FOXO3: variants seen among roughly 807,000 people sequenced by gnomAD.
FOXO3 encodes the protein forkhead box protein O3.
Under a neutral mutation model 41.9 loss-of-function variants are expected in FOXO3, and 4 were observed. The observed-to-expected ratio is 0.10, with a 90% CI of 0.05 to 0.22. FOXO3 has a LOEUF of 0.22. Among genes scored for constraint, FOXO3 ranks in the 10% least tolerant of loss-of-function variants. FOXO3 has a pLI of 1.00. For missense variants in FOXO3, 534 were observed against 906.8 expected (o/e 0.59, Z 5.28); for synonymous variants, 318 against 389.3 (o/e 0.82, Z 2.16).
upstream of FOXO3, among the ~76,000 whole-genome samples, chr6:108,560,349 A>G (rs964475725): frequency 6.6e-6 from 1 of 152,168 alleles, no homozygotes; most frequent in Admixed American, 6.5e-5. Context: ...GCGAGAATGC[A>G]AACCACACAA....
chr6:108,566,207 T>TA (rs926378547), intron 1 of FOXO3, among the ~76,000 whole-genome samples: 3 of 152,350 alleles, frequency 2.0e-5, no homozygotes, highest in Non-Finnish European at 4.4e-5. Flanking sequence ...AGAGACTCTT[T>TA]AAAAAAGAAG....
intron 1 of FOXO3, among the ~76,000 whole-genome samples, chr6:108,575,144 A>G (rs1776228815): frequency 6.6e-6 from 1 of 152,242 alleles, no homozygotes; most frequent in African/African-American, 2.4e-5. Flanking sequence ...TTTTTACTAC[A>G]TTAAAAAGAT....
Position 108,561,542 on chromosome 6 carries a change from C to T in FOXO3, c.334C>T (p.Pro112Ser). ...CGGAGGGCAAGACCCCGGGTCTGGGCCAGCCACCGCGGCGGGCGGGCTGAG... is the reference window on the plus strand; with the variant it reads ...CGGAGGGCAAGACCCCGGGTCTGGGTCAGCCACCGCGGCGGGCGGGCTGAG... ...APGGQDPGSG[P>S]ATAAGGLSGG... The change falls in exon 1 of 3, where the codon CCA (proline) becomes TCA (serine). Residue 112 changes from proline to serine, a missense_variant. Transcript: ENST00000406360. 1 of 1,437,124 alleles carries T rather than the reference C, an allele frequency of 7.0e-7. No homozygotes were observed. The highest frequency in any genetic ancestry group is 9.1e-7 in the Non-Finnish European group (1 of 1,103,584). The allele number at this position is 1,437,124 out of a possible 1,614,324, so 89.0% of individuals were successfully genotyped here.
intron 1 of FOXO3, among the ~76,000 whole-genome samples, chr6:108,590,294 CT>C (rs1167973216): frequency 6.6e-6 from 1 of 151,932 alleles, no homozygotes; most frequent in Non-Finnish European, 1.5e-5. Context: ...CAGCACCCAC[CT>C]TTTTTTGAGA....
chr6:108,665,163 CT>C (rs1158005018), intron 2 of FOXO3, among the ~76,000 whole-genome samples: 1 of 152,126 alleles, frequency 6.6e-6, no homozygotes, highest in African/African-American at 2.4e-5. Context: ...AGATCGCATT[CT>C]TTTTTTGCAT....
chr6:108,658,554 G>T (rs1179086463), intron 1 of FOXO3, among the ~76,000 whole-genome samples: 1 of 152,056 alleles, frequency 6.6e-6, no homozygotes, highest in Non-Finnish European at 1.5e-5. Context: ...GTGGTTTTTT[G>T]TGTGTTTTTT....
At chr6:108,626,545 T>G (rs932319887) in intron 1 of FOXO3, among the ~76,000 whole-genome samples, 2 of 152,134 alleles carry the variant, frequency 1.3e-5, no homozygotes, top group Non-Finnish European at 2.9e-5. Context: ...AAAATCGGCT[T>G]ATAAGTTAGA....
intron 1 of FOXO3, among the ~76,000 whole-genome samples, chr6:108,562,419 C>T (rs1329171222): frequency 3.3e-5 from 5 of 152,220 alleles, no homozygotes; most frequent in African/African-American, 4.8e-5. Context: ...GGACGGCTTC[C>T]TTTCCTTGCC....
At chr6:108,601,064 G>A (rs1432957910) in intron 1 of FOXO3, among the ~76,000 whole-genome samples, 1 of 151,718 alleles carries the variant, frequency 6.6e-6, no homozygotes, top group African/African-American at 2.4e-5. Flanking sequence ...CTGGAGTGCA[G>A]TGGCGCAATC....
At chr6:108,579,790 C>A (rs1315018694) in intron 1 of FOXO3, among the ~76,000 whole-genome samples, 2 of 152,066 alleles carry the variant, frequency 1.3e-5, no homozygotes, top group African/African-American at 2.4e-5. Flanking sequence ...GTCCAGAAGG[C>A]TTGTCTCTCA....
At chr6:108,603,611 T>G (rs1027806245) in intron 1 of FOXO3, among the ~76,000 whole-genome samples, 3 of 152,166 alleles carry the variant, frequency 2.0e-5, no homozygotes, top group Non-Finnish European at 4.4e-5. Flanking sequence ...GAAGAACAAG[T>G]TGAGGATCTC....
chr6:108,598,399 A>G (rs1407325643), intron 1 of FOXO3, among the ~76,000 whole-genome samples: 1 of 152,148 alleles, frequency 6.6e-6, no homozygotes, highest in Admixed American at 6.5e-5. Context: ...TGGGGATGAC[A>G]GGGGATTACC....
chr6:108,671,170 C>T (rs970150779), intron 2 of FOXO3, among the ~76,000 whole-genome samples: 1 of 152,204 alleles, frequency 6.6e-6, no homozygotes, highest in Non-Finnish European at 1.5e-5. Context: ...ATCACATGGT[C>T]TATTCCACAA....
rs201682890 is a variant in FOXO3, at chr6:108,653,379, A to AT, written c.622-10072dup. ...TTTAAAGAGCCAGACTGCACCCTGC[A>AT]TTTTATCTTTGCTATTAGTGTGCTA... On this transcript the variant is annotated intron_variant, in intron 1 of 2. Coordinates refer to ENST00000406360, the MANE Select transcript of FOXO3 (RefSeq NM_001455.4). Among the ~76,000 whole-genome samples the AT allele has an allele frequency of 6.9e-3, 1,046 of 152,218 alleles. 26 individuals carry two copies. Among genetic ancestry groups the AT allele is most frequent in the Admixed American group, 0.048 (728 of 15,290 alleles).
In FOXO3 at chr6:108,561,596, C is replaced by G. The variant is rs1184772752; in HGVS notation, c.388C>G (p.Gln130Glu). Residue 130 changes from glutamine (Q) to glutamate (E), a missense_variant, in exon 1 of 3, where the codon CAG (glutamine) becomes GAG (glutamate). By Grantham distance (29) the Gln-to-Glu change is conservative. Coordinates refer to ENST00000406360, the MANE Select transcript of FOXO3 (RefSeq NM_001455.4). The stretch of plus-strand genomic sequence containing the variant: ...GGGTACACAGGCGCTGCTGCAGCCT[C>G]AGCAACCGCTGCCACCGCCGCAGCC... Reference protein sequence around the residue: ...SGGTQALLQPQQPLPPPQPGA... With the variant: ...SGGTQALLQPEQPLPPPQPGA... The G allele has an allele frequency of 2.0e-6, 3 of 1,514,322 alleles. No individual in the cohort carries two copies. The Admixed American group carries it at 6.2e-5, about 31-fold the overall frequency. The allele number at this position is 1,514,322 out of a possible 1,614,324, so 93.8% of individuals were successfully genotyped here.
rs747292650 is a variant in FOXO3 at position 108,561,820 on chromosome 6, C to G, written c.612C>G (p.Ala204=). 81 of 1,579,026 alleles carry G rather than the reference C, an allele frequency of 5.1e-5. No homozygotes were observed. The highest frequency in any genetic ancestry group is 7.0e-5 in the Non-Finnish European group (81 of 1,163,486). ...FKDKGDSNSS[A]GWKNSIRHNL... is the part of the protein sequence containing the mutation. ...ATAAGGGCGACAGCAACAGCTCTGC[C>G]GGCTGGAAGGTGCGTACCCACCCCG... is the stretch of plus-strand genomic sequence containing the variant. Residue 204 remains alanine, a synonymous_variant, in exon 1 of 3, where the codon GCC becomes GCG. Coordinates refer to ENST00000406360, the MANE Select transcript of FOXO3 (RefSeq NM_001455.4).
chr6:108,607,994 G>A (rs1337136998), intron 1 of FOXO3, among the ~76,000 whole-genome samples: 1 of 152,126 alleles, frequency 6.6e-6, no homozygotes, highest in Non-Finnish European at 1.5e-5. Flanking sequence ...TGGCATTTGG[G>A]GAGTTGGTGG....
chr6:108,605,017 A>G (rs2128367530), intron 1 of FOXO3, among the ~76,000 whole-genome samples: 1 of 152,314 alleles, frequency 6.6e-6, no homozygotes. Flanking sequence ...TTTTATTTTT[A>G]AGCTTAAGAT....
upstream of FOXO3, chr6:108,560,887 C>G (rs896689923): frequency 4.4e-5 from 46 of 1,045,170 alleles, no homozygotes; most frequent in East Asian, 1.5e-3. Context: ...TCGATTCGCT[C>G]GCGGCTCCAT....
Sources: allele counts gnomAD v4.1 joint callset (sites outside exome capture counted in the v4.1 genomes callset), GRCh38; gene constraint gnomAD v4.1.1; transcripts MANE v1.5; gene names NCBI Gene and HGNC (gene_info 2026-07-23, HGNC 2026-07-21).